The following CNTN6 variants were observed in gnomAD, a reference collection of about 807,000 sequenced individuals.
CNTN6 encodes contactin-6.
CNTN6 carries 137 observed loss-of-function variants against 122.8 expected under a neutral mutation model. The observed-to-expected ratio is 1.12, with a 90% CI of 0.97 to 1.29. The LOEUF (loss-of-function observed/expected upper bound fraction) is 1.29, where lower values mean the gene tolerates loss of function less well. CNTN6 is among the 50% of genes most tolerant of loss of function. The probability of loss-of-function intolerance (pLI) is 0.00; values close to 1 mark genes in which losing one functional copy is unlikely to be tolerated. For missense variants in CNTN6, 1,634 were observed against 1,223.4 expected (o/e 1.34, Z -5.01); for synonymous variants, 570 against 426.0 (o/e 1.34, Z -4.16).
intron 2 of CNTN6, among the ~76,000 whole-genome samples, chr3:1,177,148 A>G (rs1164822890): frequency 3.3e-5 from 5 of 152,232 alleles, no homozygotes; most frequent in African/African-American, 1.2e-4. Flanking sequence ...CAACGTGATA[A>G]AAGTAAAAAA....
chr3:1,100,316 T>C (rs571033572), intron 1 of CNTN6, among the ~76,000 whole-genome samples: 1 of 152,314 alleles, frequency 6.6e-6, no homozygotes, highest in East Asian at 1.9e-4. Flanking sequence ...CTCAACAATT[T>C]TTGCATATTC....
In CNTN6 at chr3:1,373,969, G is replaced by A; in HGVS notation, c.1991G>A (p.Gly664Asp). The A allele has an allele frequency of 6.2e-7, 1 of 1,613,170 alleles. No homozygotes were observed. Among genetic ancestry groups the A allele is most frequent in the Non-Finnish European group, 8.5e-7 (1 of 1,179,366 alleles). ...AAGACATACAATGCAACAGTGGTTGGTTTGAGTCCTTGGGTGGAATATGAA... is the reference window on the plus strand; with the variant it reads ...AAGACATACAATGCAACAGTGGTTGATTTGAGTCCTTGGGTGGAATATGAA... ...NGKTYNATVVGLSPWVEYEFR... is the reference protein window; with the variant it reads ...NGKTYNATVVDLSPWVEYEFR... Residue 664 changes from glycine to aspartate, a missense_variant, in exon 16 of 23, where the codon GGT (glycine) becomes GAT (aspartate). Gly to Asp is a moderately conservative substitution (Grantham distance 94). Transcript: ENST00000446702.
intron 2 of CNTN6, among the ~76,000 whole-genome samples, chr3:1,181,417 A>T (rs2093551886): frequency 1.3e-5 from 2 of 152,208 alleles, no homozygotes; most frequent in Admixed American, 1.3e-4. Flanking sequence ...GCTGCTTATT[A>T]TTCCAAATCT....
intron 2 of CNTN6, among the ~76,000 whole-genome samples, chr3:1,177,593 A>C (rs2093474463): frequency 6.6e-6 from 1 of 152,054 alleles, no homozygotes; most frequent in East Asian, 1.9e-4. Context: ...GTAATCTCTG[A>C]ATTTTTGTTT....
At chr3:1,388,086 T>C (rs1381411195) in intron 20 of CNTN6, among the ~76,000 whole-genome samples, 2 of 152,140 alleles carry the variant, frequency 1.3e-5, no homozygotes, top group Non-Finnish European at 2.9e-5. Flanking sequence ...TGCCTGCAAC[T>C]GTAGGCTCCA....
chr3:1,400,806 C>G (rs1214317226), intron 20 of CNTN6, among the ~76,000 whole-genome samples: 3 of 152,070 alleles, frequency 2.0e-5, no homozygotes, highest in African/African-American at 7.2e-5. Flanking sequence ...AAGAGGTACT[C>G]TCTGGCAAGA....
intron 2 of CNTN6, among the ~76,000 whole-genome samples, chr3:1,172,083 CAG>C (rs1268839732): frequency 3.9e-5 from 6 of 152,122 alleles, no homozygotes; most frequent in Admixed American, 1.3e-4. Context: ...ATGGAGGTGA[CAG>C]ACAATTCAGG....
intron 4 of CNTN6, among the ~76,000 whole-genome samples, chr3:1,244,001 C>T (rs2094524343): frequency 6.6e-6 from 1 of 152,070 alleles, no homozygotes; most frequent in Non-Finnish European, 1.5e-5. Flanking sequence ...TGAAAAATGC[C>T]TGGACGTAAG....
rs141789647 is a variant in CNTN6, at chr3:1,203,564, G to A, written c.56-17123G>A. Reference sequence around the variant, plus strand: ...AAATGAGGTACGGTCTTAGCTTTCCGAAGAAGAGCACTTGGGAGACGTTTA... The same window carrying A: ...AAATGAGGTACGGTCTTAGCTTTCCAAAGAAGAGCACTTGGGAGACGTTTA... On this transcript the variant is annotated intron_variant, in intron 2 of 22. Transcript: ENST00000446702. Among the ~76,000 whole-genome samples, 61 of 152,290 alleles carry A rather than the reference G, an allele frequency of 4.0e-4. No homozygotes were observed. The East Asian group carries it at 7.5e-3, about 19-fold the overall frequency.
intron 2 of CNTN6, among the ~76,000 whole-genome samples, chr3:1,180,594 C>T (rs1204698393): frequency 6.6e-6 from 1 of 152,182 alleles, no homozygotes; most frequent in African/African-American, 2.4e-5. Context: ...AAATTCATCA[C>T]TCATTGAGGG....
At chr3:1,358,603 A>G (rs560496970) in intron 12 of CNTN6, among the ~76,000 whole-genome samples, 1 of 152,158 alleles carries the variant, frequency 6.6e-6, no homozygotes, top group East Asian at 1.9e-4. Context: ...ATGGGGTTGA[A>G]GGGCGTGGAA....
chr3:1,141,798 T>C (rs1476618936), intron 1 of CNTN6, among the ~76,000 whole-genome samples: 2 of 152,160 alleles, frequency 1.3e-5, no homozygotes, highest in Non-Finnish European at 2.9e-5. Flanking sequence ...TTTTAAATTA[T>C]TTTAGACATT....
intron 7 of CNTN6, among the ~76,000 whole-genome samples, chr3:1,320,349 G>A (rs535193432): frequency 6.6e-6 from 1 of 151,716 alleles, no homozygotes; most frequent in East Asian, 2.0e-4. Context: ...TACATAGGAG[G>A]ATAATAATTT....
chr3:1,267,903 C>T (rs2094952367), intron 4 of CNTN6, among the ~76,000 whole-genome samples: 2 of 150,518 alleles, frequency 1.3e-5, no homozygotes, highest in African/African-American at 5.0e-5. Flanking sequence ...AAAACACGTC[C>T]CTTGATGACA....
At chr3:1,399,565 A>C (rs1268801072) in intron 20 of CNTN6, among the ~76,000 whole-genome samples, 1 of 152,090 alleles carries the variant, frequency 6.6e-6, no homozygotes, top group East Asian at 1.9e-4. Context: ...GATTGCTATG[A>C]GTCTGACCAC....
chr3:1,300,593 GAAAGAA>G (rs1697200363), intron 7 of CNTN6, among the ~76,000 whole-genome samples: 1 of 125,824 alleles, frequency 7.9e-6, no homozygotes, highest in Non-Finnish European at 1.6e-5. Context: ...AAGAAAGAAA[GAAAGAA>G]AGAAAGAGAG....
chr3:1,149,325 G>A lies in CNTN6; in HGVS notation c.55+1262G>A, dbSNP rs115714508. On this transcript the variant is annotated intron_variant, in intron 2 of 22. Coordinates refer to ENST00000446702, the MANE Select transcript of CNTN6 (RefSeq NM_001289080.2). The stretch of plus-strand genomic sequence containing the variant: ...CTACCATACCATGCTTCTTCCCCCC[G>A]ACTATGTGTTGATAGGTACTAGTGA... Among the ~76,000 whole-genome samples, 935 of 152,150 alleles carry A rather than the reference G, an allele frequency of 6.1e-3. 17 individuals carry two copies. The highest frequency in any genetic ancestry group is 0.03 in the East Asian group (153 of 5,172).
chr3:1,266,169 G>T (rs571080880), intron 4 of CNTN6, among the ~76,000 whole-genome samples: 30 of 152,034 alleles, frequency 2.0e-4, no homozygotes, highest in Non-Finnish European at 4.0e-4. Context: ...GGAAAAAAGT[G>T]AGATTTTATT....
chr3:1,390,637 G>A (rs1693984629), intron 20 of CNTN6, among the ~76,000 whole-genome samples: 1 of 151,914 alleles, frequency 6.6e-6, no homozygotes. Flanking sequence ...TTTTTGAAAG[G>A]ATCAACAAAA....
Sources: allele counts gnomAD v4.1 joint callset (sites outside exome capture counted in the v4.1 genomes callset), GRCh38; gene constraint gnomAD v4.1.1; transcripts MANE v1.5; gene names NCBI Gene and HGNC (gene_info 2026-07-23, HGNC 2026-07-21).